The following ERC2 variants were observed in gnomAD, a reference collection of about 807,000 sequenced individuals.
The protein encoded by ERC2 is ELKS/RAB6-interacting/CAST family member 2, also known as ERC protein 2.
In ERC2, 42 loss-of-function variants were observed where a neutral mutation model predicts 114.8. That is an observed-to-expected ratio of 0.37 (90% CI 0.29 to 0.47). The LOEUF (loss-of-function observed/expected upper bound fraction) is 0.47, where lower values mean the gene tolerates loss of function less well. Among genes scored for constraint, ERC2 ranks in the 20% least tolerant of loss-of-function variants. The probability of loss-of-function intolerance (pLI) is 0.99; values close to 1 mark genes in which losing one functional copy is unlikely to be tolerated. For missense variants in ERC2, 939 were observed against 1,150.7 expected, an observed-to-expected ratio of 0.82 and a Z score of 2.66; for synonymous variants, 454 against 425.5, an observed-to-expected ratio of 1.07 and a Z score of -0.82.
chr3:55,751,813 G>A (rs2148968930), intron 14 of ERC2, among the ~76,000 whole-genome samples: 1 of 152,228 alleles, frequency 6.6e-6, no homozygotes, highest in East Asian at 1.9e-4. Context: ...AAAATCCCAG[G>A]GAAATAATTC....
At chr3:55,533,031 G>A (rs184561895) in intron 17 of ERC2, among the ~76,000 whole-genome samples, 2 of 152,358 alleles carry the variant, frequency 1.3e-5, no homozygotes, top group African/African-American at 2.4e-5. Context: ...GTCAGAAAAT[G>A]TCTTCCTAGC....
At chr3:55,632,473 A>G (rs1431095231) in intron 17 of ERC2, among the ~76,000 whole-genome samples, 2 of 152,206 alleles carry the variant, frequency 1.3e-5, no homozygotes, top group Non-Finnish European at 2.9e-5. Context: ...TGAGATGGAG[A>G]CAAGGAGGCA....
intron 12 of ERC2, among the ~76,000 whole-genome samples, chr3:55,977,217 T>C (rs1282256738): frequency 1.3e-5 from 2 of 152,218 alleles, no homozygotes; most frequent in Non-Finnish European, 2.9e-5. Context: ...ATTGTTCTTA[T>C]AGTCTTGTAG....
At chr3:55,997,880 G>GGTTT (rs1302588153) in intron 10 of ERC2, among the ~76,000 whole-genome samples, 2 of 44,788 alleles carry the variant, frequency 4.5e-5, no homozygotes, top group African/African-American at 8.8e-5. Flanking sequence ...TCTTAATTCT[G>GGTTT]TTTTTTTTTT....
intron 12 of ERC2, among the ~76,000 whole-genome samples, chr3:55,979,355 A>T (rs1206688844): frequency 6.6e-6 from 1 of 152,196 alleles, no homozygotes; most frequent in African/African-American, 2.4e-5. Context: ...AACCTGAAAA[A>T]GGGATTTTTC....
chr3:55,693,173 A>G (rs1455468659), intron 16 of ERC2, among the ~76,000 whole-genome samples: 2 of 152,202 alleles, frequency 1.3e-5, no homozygotes, highest in African/African-American at 4.8e-5. Context: ...TAGAGTGGAT[A>G]ATATTTAGGA....
At chr3:56,467,444 A>G (rs2063597664) in intron 1 of ERC2, among the ~76,000 whole-genome samples, 1 of 152,196 alleles carries the variant, frequency 6.6e-6, no homozygotes, top group Non-Finnish European at 1.5e-5. Flanking sequence ...TAAGTACAAA[A>G]TAAATAAGGC....
chr3:55,575,727 G>A (rs920863806), intron 17 of ERC2, among the ~76,000 whole-genome samples: 2 of 152,174 alleles, frequency 1.3e-5, no homozygotes, highest in Non-Finnish European at 2.9e-5. Flanking sequence ...CAGCTGAGGG[G>A]AGAGGAAGGA....
At chr3:56,083,839 G>A (rs939773059) in intron 6 of ERC2, among the ~76,000 whole-genome samples, 13 of 151,872 alleles carry the variant, frequency 8.6e-5, no homozygotes, top group Admixed American at 2.0e-4. Flanking sequence ...AGGAAGTAGA[G>A]AAGCAAGTAG....
chr3:55,597,508 C>T (rs2058203248), intron 17 of ERC2, among the ~76,000 whole-genome samples: 1 of 151,942 alleles, frequency 6.6e-6, no homozygotes, highest in Admixed American at 6.6e-5. Flanking sequence ...TCCTCATTTT[C>T]TGAGGCTTGT....
At chr3:56,031,291 C>T (rs1560053167) in intron 7 of ERC2, among the ~76,000 whole-genome samples, 1 of 152,172 alleles carries the variant, frequency 6.6e-6, no homozygotes, top group Non-Finnish European at 1.5e-5. Context: ...CAGTCCCACC[C>T]TAAATAACCC....
rs58820385 is a variant in ERC2 at position 56,023,774 on chromosome 3, TGAAGGAAG to T, written c.1642-4751_1642-4744del. 5.9e-3 allele frequency among the ~76,000 whole-genome samples: 779 copies of T among 131,866 alleles called. 28 individuals carry two copies. The East Asian group carries it at 0.12, about 20-fold the overall frequency. The allele number at this position is 131,866 out of a possible 152,430, so 86.5% of individuals were successfully genotyped here. A position where few individuals can be genotyped will look rare whatever the true frequency, so the allele number is the denominator to read the frequency against. On this transcript the variant is annotated intron_variant, in intron 7 of 17. Transcript: ENST00000288221. Reference sequence around the variant, plus strand: ...CTTACTGAATGAATGAAAAAAGGAATGAAGGAAGGAAGGAAGGAAGGAAGGAAGGAAGG... The same window carrying T: ...CTTACTGAATGAATGAAAAAAGGAATGAAGGAAGGAAGGAAGGAAGGAAGG...
intron 17 of ERC2, among the ~76,000 whole-genome samples, chr3:55,610,313 TG>T (rs1199607297): frequency 1.1e-4 from 17 of 152,080 alleles, no homozygotes; most frequent in African/African-American, 7.2e-5. Flanking sequence ...CCCCATTTCC[TG>T]GTTAAAAACC....
intron 8 of ERC2, among the ~76,000 whole-genome samples, chr3:56,015,728 T>C (rs769239567): frequency 2.6e-5 from 4 of 152,208 alleles, no homozygotes; most frequent in Non-Finnish European, 5.9e-5. Flanking sequence ...TACCCAGTAA[T>C]GGGATTGCTG....
intron 13 of ERC2, among the ~76,000 whole-genome samples, chr3:55,912,290 G>T (rs907367783): frequency 6.6e-6 from 1 of 152,282 alleles, no homozygotes; most frequent in South Asian, 2.1e-4. Flanking sequence ...TTGCCAGTGC[G>T]AGTGAGAAAG....
chr3:55,913,606 GA>G (rs1002185852), intron 13 of ERC2, among the ~76,000 whole-genome samples: 240 of 150,724 alleles, frequency 1.6e-3, no homozygotes, highest in African/African-American at 2.2e-3. Flanking sequence ...TCTACAAAAG[GA>G]AAAAAAAATA....
intron 14 of ERC2, among the ~76,000 whole-genome samples, chr3:55,870,079 AT>A (rs112152631): frequency 0.11 from 16,238 of 146,230 alleles, 935 homozygotes; most frequent in African/African-American, 0.16. Flanking sequence ...AAAGAGTACA[AT>A]TTTTTTTTTT....
chr3:56,313,460 A>G (rs1323687040), intron 2 of ERC2, among the ~76,000 whole-genome samples: 1 of 152,116 alleles, frequency 6.6e-6, no homozygotes, highest in Non-Finnish European at 1.5e-5. Flanking sequence ...AGAATAACTT[A>G]TTTACTCATC....
intron 3 of ERC2, among the ~76,000 whole-genome samples, chr3:56,291,975 C>T (rs1045897612): frequency 6.6e-6 from 1 of 152,140 alleles, no homozygotes; most frequent in Non-Finnish European, 1.5e-5. Context: ...TATATTATTA[C>T]GTATTTGGTA....
Sources: gnomAD v4.1 joint callset for allele counts (sites outside exome capture counted in the v4.1 genomes callset) on GRCh38, gnomAD v4.1.1 for gene constraint, MANE v1.5 for transcripts, NCBI Gene and HGNC (gene_info 2026-07-23, HGNC 2026-07-21) for gene names.